PCNX2: variants seen among roughly 807,000 people sequenced by gnomAD.
The protein encoded by PCNX2 is pecanex-like protein 2.
In PCNX2, 168 loss-of-function variants were observed where a neutral mutation model predicts 223.8. The ratio of observed to expected loss-of-function variants is 0.75; its 90% CI spans 0.66 to 0.85. The LOEUF (loss-of-function observed/expected upper bound fraction) is 0.85, where lower values mean the gene tolerates loss of function less well. Among genes scored for constraint, PCNX2 ranks in the 40% least tolerant of loss-of-function variants. The pLI is 0.00. For missense variants in PCNX2, 2,507 were observed against 2,675.5 expected (o/e 0.94, Z 1.39); for synonymous variants, 1,006 against 1,052.6 (o/e 0.96, Z 0.86).
At chr1:232,998,584 C>A in intron 31 of PCNX2, 146 bp from the exon 32 acceptor site, 3 of 757,428 alleles carry the variant, frequency 4.0e-6, no homozygotes, top group Non-Finnish European at 4.2e-6. Context: ...GGAAGAGGGG[C>A]TGTTGTTCCC....
intron 25 of PCNX2, among the ~76,000 whole-genome samples, chr1:233,047,815 C>CT (rs1671871020): frequency 6.6e-6 from 1 of 152,010 alleles, no homozygotes; most frequent in Non-Finnish European, 1.5e-5. Context: ...AGGCGGAAAA[C>CT]TAACAAAGAA....
At chr1:233,202,290 G>T (rs764669692) in intron 13 of PCNX2, 8 of 412,926 alleles carry the variant, frequency 1.9e-5, no homozygotes, top group Non-Finnish European at 5.0e-6. Flanking sequence ...CACTGAGTGG[G>T]CCTATAATTT....
At chr1:233,314,516 C>A in the PCNX2 span, among the ~76,000 whole-genome samples, 1 of 151,962 alleles carries the variant, frequency 6.6e-6, no homozygotes, top group East Asian at 1.9e-4. Flanking sequence ...AATATGGAGG[C>A]AACTGATCAA....
chr1:233,281,805 A>G (rs575058259), intron 1 of PCNX2, among the ~76,000 whole-genome samples: 102 of 152,270 alleles, frequency 6.7e-4, no homozygotes, highest in African/African-American at 2.2e-3. Context: ...TGTAATATGC[A>G]CTACCAAAAC....
chr1:232,989,465 A>C (rs1018023840), intron 32 of PCNX2, among the ~76,000 whole-genome samples: 12 of 152,062 alleles, frequency 7.9e-5, no homozygotes, highest in Non-Finnish European at 7.4e-5. Flanking sequence ...AAAAAAAAAA[A>C]ACTGCTCACT....
At chr1:233,009,862 G>A (rs903946518) in intron 28 of PCNX2, among the ~76,000 whole-genome samples, 1 of 152,200 alleles carries the variant, frequency 6.6e-6, no homozygotes, top group Non-Finnish European at 1.5e-5. Context: ...ACCTGGAGGA[G>A]AGCCCATACG....
chr1:233,130,465 T>G lies in PCNX2; in HGVS notation c.3837+4548A>C, dbSNP rs796837562. On this transcript the variant is annotated intron_variant, in intron 21 of 33. Coordinates refer to ENST00000258229, the MANE Select transcript of PCNX2 (RefSeq NM_014801.4). The stretch of plus-strand genomic sequence containing the variant: ...ACTCAATATTTCTGCCCCCCAACTT[T>G]TGTGTGTGTGTGTGTGTGTGTGTGT... Among the ~76,000 whole-genome samples the G allele has an allele frequency of 6.6e-5, 9 of 136,472 alleles. No individual in the cohort carries two copies. In the East Asian group the frequency reaches 1.1e-3, roughly 17 times the overall value. 89.5% of individuals were successfully genotyped at this position (136,472 alleles called of 152,430 possible).
At chr1:233,093,228 A>G (rs1673978686) in intron 22 of PCNX2, among the ~76,000 whole-genome samples, 1 of 152,342 alleles carries the variant, frequency 6.6e-6, no homozygotes, top group African/African-American at 2.4e-5. Context: ...TAATTATTAG[A>G]AGACAATGGT....
At chr1:233,034,706 A>G (rs1218370301) in intron 25 of PCNX2, among the ~76,000 whole-genome samples, 1 of 152,204 alleles carries the variant, frequency 6.6e-6, no homozygotes, top group East Asian at 1.9e-4. Context: ...CCTGAACAGA[A>G]GGTCCAGCAA....
upstream of PCNX2, among the ~76,000 whole-genome samples, chr1:233,300,633 C>T (rs6695828): frequency 0.24 from 35,899 of 152,130 alleles, 5,288 homozygotes; most frequent in East Asian, 0.42. Flanking sequence ...GCTTGATTTC[C>T]CAAGGTCTCC....
chr1:233,174,377 A>C (rs1404182381), intron 17 of PCNX2, among the ~76,000 whole-genome samples: 1 of 148,420 alleles, frequency 6.7e-6, no homozygotes, highest in Non-Finnish European at 1.5e-5. Flanking sequence ...AAAATGAAAA[A>C]TTTATATATA....
chr1:232,998,992 CAT>C, intron 31 of PCNX2, 111 bp downstream of exon 31: 1 of 1,239,804 alleles, frequency 8.1e-7, no homozygotes, highest in African/African-American at 1.5e-5. Flanking sequence ...CAGTTTTAAT[CAT>C]ATGAGAAAAT....
intron 23 of PCNX2, among the ~76,000 whole-genome samples, chr1:233,086,504 A>C (rs1364049890): frequency 6.6e-6 from 1 of 151,684 alleles, no homozygotes; most frequent in Admixed American, 6.6e-5. Context: ...AAAAATACAA[A>C]AAAAAAAGAA....
At chr1:233,124,515 A>C (rs145276682) in intron 21 of PCNX2, among the ~76,000 whole-genome samples, 158 of 152,308 alleles carry the variant, frequency 1.0e-3, no homozygotes, top group Middle Eastern at 3.4e-3. Context: ...GGATAATGAG[A>C]ATTAGTCAGT....
intron 25 of PCNX2, among the ~76,000 whole-genome samples, chr1:233,039,297 G>A (rs186467375): frequency 1.2e-4 from 18 of 151,968 alleles, no homozygotes; most frequent in Non-Finnish European, 1.8e-4. Context: ...CGGATAGGCC[G>A]TGGACCTTGG....
chr1:233,136,591 T>C (rs972740069), intron 20 of PCNX2, among the ~76,000 whole-genome samples: 1 of 152,154 alleles, frequency 6.6e-6, no homozygotes, highest in Non-Finnish European at 1.5e-5. Flanking sequence ...ATACATCACA[T>C]GGGAAAGTCT....
Position 232,994,341 on chromosome 1 carries a change from C to G in PCNX2, c.5791+3910G>C, listed in dbSNP as rs370558173. On this transcript the variant is annotated intron_variant, in intron 32 of 33. Transcript: ENST00000258229. Reference sequence around the variant, plus strand: ...TGGAGCTTTAAGATTTAATGACTGACCAGCTGGGTGTTGGACTTGCATGGG... The same window carrying G: ...TGGAGCTTTAAGATTTAATGACTGAGCAGCTGGGTGTTGGACTTGCATGGG... Among the ~76,000 whole-genome samples, 115 of 152,368 alleles carry G rather than the reference C, an allele frequency of 7.5e-4. 1 individual carries two copies. Among genetic ancestry groups the G allele is most frequent in the African/African-American group, 2.4e-3 (100 of 41,594 alleles).
chr1:233,290,987 T>C (rs1270769915), intron 1 of PCNX2: 1 of 985,288 alleles, frequency 1.0e-6, no homozygotes, highest in Non-Finnish European at 1.2e-6. Flanking sequence ...CACTCAACTC[T>C]TCCTCTCCAG....
At chr1:233,062,171 A>G (rs1205896311) in intron 23 of PCNX2, among the ~76,000 whole-genome samples, 1 of 152,188 alleles carries the variant, frequency 6.6e-6, no homozygotes, top group Non-Finnish European at 1.5e-5. Flanking sequence ...GTTTGTAAGA[A>G]CTATGAAAGT....
Sources: gnomAD v4.1 joint callset for allele counts (sites outside exome capture counted in the v4.1 genomes callset) on GRCh38, gnomAD v4.1.1 for gene constraint, MANE v1.5 for transcripts, NCBI Gene and HGNC (gene_info 2026-07-23, HGNC 2026-07-21) for gene names.